The following CNBD1 variants were observed in gnomAD, a reference collection of about 807,000 sequenced individuals.
The protein encoded by CNBD1 is cyclic nucleotide-binding domain-containing protein 1.
A neutral mutation model predicts 54.4 loss-of-function variants in CNBD1; 71 were observed. That is an observed-to-expected ratio of 1.30 (90% CI 1.08 to 1.59). The LOEUF (loss-of-function observed/expected upper bound fraction) is 1.59. CNBD1 is among the 40% of genes most tolerant of loss of function. CNBD1 has a pLI of 0.00. For synonymous variants in CNBD1, 182 were observed against 170.7 expected (o/e 1.07, Z -0.51); for missense variants, 659 against 518.0 (o/e 1.27, Z -2.64).
At chr8:87,028,855 T>G (rs1334034820) in intron 4 of CNBD1, among the ~76,000 whole-genome samples, 1 of 152,188 alleles carries the variant, frequency 6.6e-6, no homozygotes, top group Non-Finnish European at 1.5e-5. Context: ...CAAAAACTGT[T>G]TATATACAAA....
At chr8:86,957,687 A>AT (rs1353153542) in intron 4 of CNBD1, among the ~76,000 whole-genome samples, 1 of 152,002 alleles carries the variant, frequency 6.6e-6, no homozygotes, top group South Asian at 2.1e-4. Flanking sequence ...CCCCTTTATC[A>AT]TTTTTTATTG....
Position 86,915,834 on chromosome 8 carries a change from C to G in CNBD1, c.272+10640C>G, listed in dbSNP as rs186024596. Among the ~76,000 whole-genome samples the G allele has an allele frequency of 9.5e-4, 145 of 152,284 alleles. 1 individual carries two copies. Among genetic ancestry groups the G allele is most frequent in the Non-Finnish European group, 1.6e-3 (110 of 68,028 alleles). ...TATGACTTTGGAGAAGTCAATCTAT[C>G]TGGGCATTAGTTACCTTATATCAAA... On this transcript the variant is annotated intron_variant, in intron 3 of 10. Coordinates refer to ENST00000518476, the MANE Select transcript of CNBD1 (RefSeq NM_173538.3).
intron 3 of CNBD1, among the ~76,000 whole-genome samples, chr8:86,925,208 TG>T (rs1466691886): frequency 1.3e-5 from 2 of 152,180 alleles, no homozygotes; most frequent in Non-Finnish European, 2.9e-5. Flanking sequence ...AGACAAAGCC[TG>T]GAATTTGCCA....
At chr8:86,931,186 G>A (rs937088293) in intron 3 of CNBD1, among the ~76,000 whole-genome samples, 3 of 152,174 alleles carry the variant, frequency 2.0e-5, no homozygotes, top group African/African-American at 7.2e-5. Context: ...TTCCTCAGAT[G>A]GTAATGGACC....
intron 4 of CNBD1, among the ~76,000 whole-genome samples, chr8:86,993,277 C>T (rs972929012): frequency 2.0e-5 from 3 of 151,266 alleles, no homozygotes; most frequent in South Asian, 2.1e-4. Flanking sequence ...ACATTATGAA[C>T]ATTTTTATTG....
rs35541466 is a variant in CNBD1 at position 87,109,540 on chromosome 8, C to CTTTTTTTTTTT, written c.432-96447_432-96437dup. 8.3e-5 allele frequency among the ~76,000 whole-genome samples: 9 copies of CTTTTTTTTTTT among 107,966 alleles called. 1 individual carries two copies. Among genetic ancestry groups the CTTTTTTTTTTT allele is most frequent in the Non-Finnish European group, 1.5e-4 (7 of 48,244 alleles). 70.8% of individuals were successfully genotyped at this position (107,966 alleles called of 152,430 possible). A position where few individuals can be genotyped will look rare whatever the true frequency, so the allele number is the denominator to read the frequency against. On this transcript the variant is annotated intron_variant, in intron 4 of 10. Transcript: ENST00000518476. ...GGTTTGTTTCTTTCTTTCTTTCTTTCTTTTTTTTTTTTTTTTGAGGCAGAG... is the reference window on the plus strand; with the variant it reads ...GGTTTGTTTCTTTCTTTCTTTCTTTCTTTTTTTTTTTTTTTTTTTTTTTTTTTGAGGCAGAG...
intron 10 of CNBD1, among the ~76,000 whole-genome samples, chr8:87,381,975 G>T (rs1271661508): frequency 2.6e-5 from 4 of 151,752 alleles, no homozygotes; most frequent in Non-Finnish European, 4.4e-5. Flanking sequence ...TTAAAAATTT[G>T]TGTTGAGGGT....
In CNBD1 at chr8:87,340,693, T is replaced by C. The variant is rs191874456; in HGVS notation, c.1043-10992T>C. Reference sequence around the variant, plus strand: ...TTCAAGTTCACTGATTAATTTGCTTTATAAAGTCTGCTGTTAATCCCCTCT... The same window carrying C: ...TTCAAGTTCACTGATTAATTTGCTTCATAAAGTCTGCTGTTAATCCCCTCT... On this transcript the variant is annotated intron_variant, in intron 8 of 10. Transcript: ENST00000518476. Among the ~76,000 whole-genome samples the C allele has an allele frequency of 3.7e-3, 569 of 152,278 alleles. 6 individuals carry two copies. The highest frequency in any genetic ancestry group is 0.013 in the African/African-American group (553 of 41,580).
chr8:87,080,018 T>C (rs1321365518), intron 4 of CNBD1, among the ~76,000 whole-genome samples: 2 of 152,208 alleles, frequency 1.3e-5, no homozygotes, highest in African/African-American at 4.8e-5. Flanking sequence ...GTGTTCATTG[T>C]TTCCATATTG....
chr8:87,066,083 A>G (rs1305539837), intron 4 of CNBD1, among the ~76,000 whole-genome samples: 1 of 152,028 alleles, frequency 6.6e-6, no homozygotes, highest in Non-Finnish European at 1.5e-5. Context: ...TGTTGTCAGC[A>G]TGACAGTGAT....
intron 2 of CNBD1, among the ~76,000 whole-genome samples, chr8:87,388,664 C>A (rs1044828466): frequency 6.6e-6 from 1 of 152,116 alleles, no homozygotes; most frequent in Admixed American, 6.5e-5. Flanking sequence ...CCGAATTCTA[C>A]CAGAGGTACA....
At chr8:87,363,759 T>C (rs917413313) in intron 10 of CNBD1, among the ~76,000 whole-genome samples, 2 of 152,122 alleles carry the variant, frequency 1.3e-5, no homozygotes, top group Non-Finnish European at 2.9e-5. Context: ...TATTAGCCCT[T>C]TGTCAGATGG....
chr8:87,355,329 G>A (rs1321884139), intron 10 of CNBD1, among the ~76,000 whole-genome samples: 1 of 152,028 alleles, frequency 6.6e-6, no homozygotes, highest in Non-Finnish European at 1.5e-5. Flanking sequence ...GACATCTTCT[G>A]GCTTTCATCT....
chr8:87,076,026 A>T (rs1307977495), intron 4 of CNBD1, among the ~76,000 whole-genome samples: 1 of 152,216 alleles, frequency 6.6e-6, no homozygotes, highest in Non-Finnish European at 1.5e-5. Context: ...TACATACACT[A>T]GTGGTGTAAA....
At chr8:87,207,451 TAGAC>T (rs943683182) in intron 5 of CNBD1, among the ~76,000 whole-genome samples, 1 of 150,954 alleles carries the variant, frequency 6.6e-6, no homozygotes, top group African/African-American at 2.5e-5. Context: ...TTTATGCACA[TAGAC>T]ACACACACAC....
intron 4 of CNBD1, among the ~76,000 whole-genome samples, chr8:87,165,171 G>T (rs891207225): frequency 1.5e-4 from 23 of 151,684 alleles, no homozygotes; most frequent in Admixed American, 1.3e-3. Context: ...ATTATTTGTG[G>T]CCTAACGTAT....
At chr8:87,041,614 C>T (rs535085054) in intron 4 of CNBD1, among the ~76,000 whole-genome samples, 8 of 152,120 alleles carry the variant, frequency 5.3e-5, no homozygotes, top group Admixed American at 1.3e-4. Context: ...CTGGCTAACA[C>T]GGTGAAACCC....
At chr8:87,070,974 T>G (rs1039106812) in intron 4 of CNBD1, among the ~76,000 whole-genome samples, 15 of 152,060 alleles carry the variant, frequency 9.9e-5, no homozygotes, top group East Asian at 9.6e-4. Flanking sequence ...ATGTTTACTG[T>G]TCTCATTTGA....
intron 2 of CNBD1, among the ~76,000 whole-genome samples, chr8:87,409,338 T>C (rs1179638970): frequency 6.6e-6 from 1 of 152,090 alleles, no homozygotes; most frequent in Non-Finnish European, 1.5e-5. Context: ...ACTGTTCAAT[T>C]CTATAAAGGC....
Sources: gnomAD v4.1 joint callset for allele counts (sites outside exome capture counted in the v4.1 genomes callset) on GRCh38, gnomAD v4.1.1 for gene constraint, MANE v1.5 for transcripts, NCBI Gene and HGNC (gene_info 2026-07-23, HGNC 2026-07-21) for gene names.